Variants in TANK observed in about 807,000 individuals in gnomAD.
The protein encoded by TANK is TRAF family member-associated NF-kappa-B activator.
A neutral mutation model predicts 43.6 loss-of-function variants in TANK; 15 were observed. The ratio of observed to expected loss-of-function variants is 0.34; its 90% CI spans 0.23 to 0.53. The LOEUF (loss-of-function observed/expected upper bound fraction) is 0.53. Among genes scored for constraint, TANK ranks in the 20% least tolerant of loss-of-function variants. The pLI is 0.94. For synonymous variants in TANK, 162 were observed against 178.2 expected, an observed-to-expected ratio of 0.91 and a Z score of 0.73; for missense variants, 417 against 498.6, an observed-to-expected ratio of 0.84 and a Z score of 1.56.
chr2:161,201,646 CTG>C (rs989536877), intron 2 of TANK, among the ~76,000 whole-genome samples: 10 of 152,164 alleles, frequency 6.6e-5, no homozygotes, highest in Non-Finnish European at 1.5e-4. Flanking sequence ...ATAGAGAAGA[CTG>C]TAACTTGTTT....
At position 161,221,968 on chromosome 2, in the gene TANK, C is replaced by A. The variant is rs536099615; in HGVS notation, c.328-1947C>A. Among the ~76,000 whole-genome samples the A allele has an allele frequency of 2.6e-5, 4 of 152,238 alleles. No homozygotes were observed. In the South Asian group the frequency reaches 8.3e-4, roughly 32 times the overall value. ...CCTCCTGCCAATACACCAAAGGAAT[C>A]TTTTCTTGATAAATTCACCCACACT... On this transcript the variant is annotated intron_variant, in intron 4 of 7. Transcript: ENST00000392749.
chr2:161,217,057 A>G (rs763893613), intron 4 of TANK, among the ~76,000 whole-genome samples: 6 of 152,252 alleles, frequency 3.9e-5, no homozygotes, highest in Non-Finnish European at 7.3e-5. Context: ...TCATTGGGTC[A>G]TATAGTACTT....
At chr2:161,139,478 T>C (rs1683680382) in intron 1 of TANK, among the ~76,000 whole-genome samples, 1 of 152,218 alleles carries the variant, frequency 6.6e-6, no homozygotes, top group African/African-American at 2.4e-5. Flanking sequence ...TGTAGTGGTC[T>C]GCTGTTACAC....
intron 1 of TANK, among the ~76,000 whole-genome samples, chr2:161,163,732 A>G (rs956635091): frequency 6.6e-6 from 1 of 152,218 alleles, no homozygotes; most frequent in Non-Finnish European, 1.5e-5. Flanking sequence ...GTGAAAAAAT[A>G]TACAAGCTTA....
intron 3 of TANK, 105 bp from the exon 4 acceptor site, chr2:161,204,570 A>G: frequency 9.6e-7 from 1 of 1,037,472 alleles, no homozygotes; most frequent in Non-Finnish European, 1.4e-6. Flanking sequence ...CCTACCTTAA[A>G]ATGTATTCTC....
chr2:161,230,640 G>A (rs187420350), intron 6 of TANK, among the ~76,000 whole-genome samples: 3 of 152,286 alleles, frequency 2.0e-5, no homozygotes, highest in Non-Finnish European at 4.4e-5. Flanking sequence ...TATAGCTTCC[G>A]TTACTGACAA....
At chr2:161,182,242 G>A (rs1206145233) in intron 2 of TANK, among the ~76,000 whole-genome samples, 1 of 152,062 alleles carries the variant, frequency 6.6e-6, no homozygotes, top group Non-Finnish European at 1.5e-5. Flanking sequence ...GTGGACACCA[G>A]CTAGATGTCT....
At chr2:161,146,648 G>C (rs1384837632) in intron 1 of TANK, among the ~76,000 whole-genome samples, 1 of 152,120 alleles carries the variant, frequency 6.6e-6, no homozygotes, top group Non-Finnish European at 1.5e-5. Context: ...CTTGCACCTG[G>C]AGACATCACT....
chr2:161,174,661 CAAAG>C (rs1428249191), intron 1 of TANK, among the ~76,000 whole-genome samples: 2 of 152,104 alleles, frequency 1.3e-5, no homozygotes, highest in African/African-American at 2.4e-5. Context: ...GTCTTAATAA[CAAAG>C]AAAATCAAGG....
upstream of TANK, among the ~76,000 whole-genome samples, chr2:161,157,110 T>C (rs1285192842): frequency 2.6e-5 from 4 of 152,194 alleles, no homozygotes; most frequent in African/African-American, 7.2e-5. Context: ...TCACACATAG[T>C]AGTGGAATTA....
chr2:161,164,860 A>G (rs1386943293), intron 1 of TANK, among the ~76,000 whole-genome samples: 1 of 152,142 alleles, frequency 6.6e-6, no homozygotes, highest in African/African-American at 2.4e-5. Flanking sequence ...TATTTTTCTT[A>G]AGGAAAAGAG....
At chr2:161,150,605 TTTTTC>T (rs1270127925) in intron 1 of TANK, among the ~76,000 whole-genome samples, 4 of 142,992 alleles carry the variant, frequency 2.8e-5, no homozygotes, top group African/African-American at 1.1e-4. Flanking sequence ...TTTTTTTTTT[TTTTTC>T]TTTTGAGATG....
At chr2:161,160,365 A>C, upstream of TANK, 16 of 1,158,154 alleles carry the variant, frequency 1.4e-5, no homozygotes, top group Admixed American at 4.2e-5. Context: ...GTGAAGAGTT[A>C]ATGGCTCCGC....
intron 1 of TANK, among the ~76,000 whole-genome samples, chr2:161,172,374 T>TTG (rs368206022): frequency 3.3e-4 from 43 of 131,254 alleles, no homozygotes; most frequent in African/African-American, 6.4e-4. Context: ...TTTTTTTTTT[T>TTG]GGGGGTAAAA....
rs72876028 is a variant in TANK at position 161,208,747 on chromosome 2, C to T, written c.327+3954C>T. On this transcript the variant is annotated intron_variant, in intron 4 of 7. Transcript: ENST00000392749. ...AGGAGGCCTTTCCATATGAGCCTCT[C>T]TGCACAAACTGATAGCTAACTTCAC... 7.4e-3 allele frequency among the ~76,000 whole-genome samples: 1,122 copies of T among 152,264 alleles called. 9 individuals carry two copies. Among genetic ancestry groups the T allele is most frequent in the Middle Eastern group, 0.02 (6 of 294 alleles).
rs1288747895 is a variant in TANK at position 161,152,333 on chromosome 2, T to A, written c.-50+15270T>A. On this transcript the variant is annotated intron_variant, in intron 1 of 7. Transcript: ENST00000259075. Reference sequence around the variant, plus strand: ...TATCATTTCTTTAGGGTAAGTCTACTAACACCAAGCTCCTTCTGCTTTCAT... The same window carrying A: ...TATCATTTCTTTAGGGTAAGTCTACAAACACCAAGCTCCTTCTGCTTTCAT... Among the ~76,000 whole-genome samples the A allele has an allele frequency of 2.0e-5, 3 of 152,194 alleles. No homozygotes were observed. In the East Asian group the frequency reaches 5.8e-4, roughly 29 times the overall value.
chr2:161,186,097 T>C (rs1226195336), intron 2 of TANK, among the ~76,000 whole-genome samples: 2 of 152,054 alleles, frequency 1.3e-5, no homozygotes, highest in African/African-American at 4.8e-5. Flanking sequence ...TTGAGCCCAG[T>C]GATCCTGGGA....
rs1688146763 is a variant in TANK, at chr2:161,235,772, GTT to G, written c.*256_*257del. The G allele has an allele frequency of 3.6e-6, 1 of 277,540 alleles. No individual in the cohort carries two copies. The highest frequency in any genetic ancestry group is 6.7e-6 in the Non-Finnish European group (1 of 149,678). 17.2% of individuals were successfully genotyped at this position (277,540 alleles called of 1,614,324 possible). A position where few individuals can be genotyped will look rare whatever the true frequency, so the allele number is the denominator to read the frequency against. On this transcript the variant is annotated 3_prime_UTR_variant, in exon 8 of 8. Transcript: ENST00000392749. ...TAAAACTGTAATCCTTTGTATTCAT[GTT>G]TACAGTGCTATTACTATAATTCAAA...
At chr2:161,200,063 T>C (rs1202019745) in intron 2 of TANK, among the ~76,000 whole-genome samples, 1 of 152,202 alleles carries the variant, frequency 6.6e-6, no homozygotes, top group Non-Finnish European at 1.5e-5. Flanking sequence ...AGATGGATGG[T>C]TAGTTGTCAT....
Sources: gnomAD v4.1 joint callset for allele counts (sites outside exome capture counted in the v4.1 genomes callset) on GRCh38, gnomAD v4.1.1 for gene constraint, MANE v1.5 for transcripts, NCBI Gene and HGNC (gene_info 2026-07-23, HGNC 2026-07-21) for gene names.